CACHD1: variants seen among roughly 807,000 people sequenced by gnomAD.
CACHD1 encodes the protein cache domain containing 1, also known as VWFA and cache domain-containing protein 1.
Under a neutral mutation model 138.7 loss-of-function variants are expected in CACHD1, and 71 were observed. The ratio of observed to expected loss-of-function variants is 0.51; its 90% CI spans 0.42 to 0.62. CACHD1 has a LOEUF of 0.62. Among genes scored for constraint, CACHD1 ranks in the 20% least tolerant of loss-of-function variants. CACHD1 has a pLI of 0.00. For missense variants in CACHD1, 1,389 were observed against 1,625.3 expected (o/e 0.85, Z 2.50); for synonymous variants, 578 against 591.5 (o/e 0.98, Z 0.33).
intron 24 of CACHD1, 52 bp from the exon 25 acceptor site, chr1:64,681,206 G>A: frequency 7.2e-7 from 1 of 1,383,620 alleles, no homozygotes; most frequent in Non-Finnish European, 1.0e-6. Context: ...ATTAAAGCGG[G>A]TGATTTTGTT....
chr1:64,680,170 C>T (rs1650124561), intron 24 of CACHD1, among the ~76,000 whole-genome samples: 1 of 152,166 alleles, frequency 6.6e-6, no homozygotes, highest in South Asian at 2.1e-4. Context: ...AATAAACACA[C>T]ATTTGAATAA....
At position 64,671,598 on chromosome 1, in the gene CACHD1, A is replaced by T; in HGVS notation, c.2422A>T (p.Met808Leu). 6.2e-7 allele frequency: 1 copy of T among 1,614,002 alleles called. No homozygotes were observed. Among genetic ancestry groups the T allele is most frequent in the Non-Finnish European group, 8.5e-7 (1 of 1,179,930 alleles). The change falls in exon 17 of 27, where the codon ATG becomes TTG. Residue 808 changes from methionine (M) to leucine (L), a missense_variant. Physicochemically the swap from Met to Leu is conservative, Grantham distance 15. This residue lies in a region of CACHD1 where 1,000 missense variants were observed against 1,114.7 expected (regional missense o/e 0.90). Transcript: ENST00000651257. The part of the protein sequence containing the change: ...QLSSGHTVAV[M>L]GIDFTLRYFY... ...GTCTTCTGGGCACACTGTGGCTGTG[A>T]TGGGCATTGACTTCACACTCAGATA...
intron 3 of CACHD1, among the ~76,000 whole-genome samples, chr1:64,600,954 A>T (rs866562900): frequency 1.3e-5 from 2 of 152,224 alleles, no homozygotes; most frequent in South Asian, 4.1e-4. Flanking sequence ...TGTCTCTGTT[A>T]TGCTAGCCAC....
intron 1 of CACHD1, among the ~76,000 whole-genome samples, chr1:64,540,983 T>A (rs981700737): frequency 1.3e-5 from 2 of 152,116 alleles, no homozygotes; most frequent in African/African-American, 4.8e-5. Flanking sequence ...GCTGTGAGTG[T>A]GTGTGTGTGT....
intron 4 of CACHD1, among the ~76,000 whole-genome samples, chr1:64,614,214 G>T (rs1320981990): frequency 6.6e-6 from 1 of 152,098 alleles, no homozygotes; most frequent in Non-Finnish European, 1.5e-5. Flanking sequence ...CTCTTCTTTA[G>T]TCTAGACACC....
At chr1:64,484,764 A>T (rs1037744140) in intron 1 of CACHD1, among the ~76,000 whole-genome samples, 1 of 152,258 alleles carries the variant, frequency 6.6e-6, no homozygotes, top group East Asian at 1.9e-4. Flanking sequence ...TTCACTTGGC[A>T]TAATGTCTTC....
chr1:64,686,712 G>C (rs1037465344), intron 26 of CACHD1, among the ~76,000 whole-genome samples: 4 of 152,098 alleles, frequency 2.6e-5, no homozygotes, highest in African/African-American at 9.7e-5. Context: ...TTGTATTTTG[G>C]TTACTATCTC....
chr1:64,493,545 G>A (rs1428390202), intron 1 of CACHD1, among the ~76,000 whole-genome samples: 1 of 152,192 alleles, frequency 6.6e-6, no homozygotes, highest in Non-Finnish European at 1.5e-5. Context: ...TTACAACTTA[G>A]AGGAAGGAAT....
chr1:64,549,829 A>G (rs1289176544), intron 1 of CACHD1, among the ~76,000 whole-genome samples: 1 of 150,738 alleles, frequency 6.6e-6, no homozygotes, highest in Non-Finnish European at 1.5e-5. Flanking sequence ...TAGCAGATAC[A>G]TAACTTAGAT....
chr1:64,680,171 A>G (rs1395311113), intron 24 of CACHD1, among the ~76,000 whole-genome samples: 1 of 152,232 alleles, frequency 6.6e-6, no homozygotes, highest in African/African-American at 2.4e-5. Flanking sequence ...ATAAACACAC[A>G]TTTGAATAAT....
rs1473321996 is a variant in CACHD1 at position 64,597,532 on chromosome 1, T to G, written c.411-5274T>G. On this transcript the variant is annotated intron_variant, in intron 3 of 26. Coordinates refer to ENST00000651257, the MANE Select transcript of CACHD1 (RefSeq NM_020925.4). ...GAAGTTTTTTTTTTGTTGTTTTTTT[T>G]TTTTTTTTTTTTTTTTTTAACTTAC... is the stretch of plus-strand genomic sequence containing the variant. 3.5e-3 allele frequency among the ~76,000 whole-genome samples: 518 copies of G among 147,476 alleles called. 4 individuals carry two copies. Among genetic ancestry groups the G allele is most frequent in the African/African-American group, 0.012 (493 of 40,050 alleles).
chr1:64,519,386 G>A (rs1339965201), intron 1 of CACHD1, among the ~76,000 whole-genome samples: 1 of 152,158 alleles, frequency 6.6e-6, no homozygotes, highest in Non-Finnish European at 1.5e-5. Context: ...AAGGAGGTCT[G>A]ATTTCTGAAA....
chr1:64,635,174 T>A lies in CACHD1; in HGVS notation c.1006+914T>A, dbSNP rs1461268800. On this transcript the variant is annotated intron_variant, in intron 7 of 26. Coordinates refer to ENST00000651257, the MANE Select transcript of CACHD1 (RefSeq NM_020925.4). ...CCTGCCCCTTTATTTAGATCATGTC[T>A]GCACTTATGTCCCAAGGGAATCTCC... 2.6e-5 allele frequency among the ~76,000 whole-genome samples: 4 copies of A among 152,094 alleles called. No individual in the cohort carries two copies. The East Asian group carries it at 5.8e-4, about 22-fold the overall frequency.
intron 7 of CACHD1, 84 bp downstream of exon 7, chr1:64,634,344 T>C (rs537036332): frequency 2.8e-6 from 2 of 702,074 alleles, no homozygotes; most frequent in Non-Finnish European, 2.3e-6. Flanking sequence ...CACACAATGA[T>C]GTTTAGAGAG....
At chr1:64,507,165 G>A (rs1646383576) in intron 1 of CACHD1, among the ~76,000 whole-genome samples, 1 of 152,214 alleles carries the variant, frequency 6.6e-6, no homozygotes, top group African/African-American at 2.4e-5. Flanking sequence ...ATAGGACCAG[G>A]AGACTGACTT....
rs1422311412 is a variant in CACHD1, at chr1:64,671,798, T to G, written c.2510+112T>G. ...TTATGGTCAGGAATAGAAATCTAATTTATGGCCTGGGTGTCCTATTAAGAA... is the reference window on the plus strand; with the variant it reads ...TTATGGTCAGGAATAGAAATCTAATGTATGGCCTGGGTGTCCTATTAAGAA... On this transcript the variant is annotated intron_variant, in intron 17 of 26. Coordinates refer to ENST00000651257, the MANE Select transcript of CACHD1 (RefSeq NM_020925.4). 15 of 1,333,540 alleles carry G rather than the reference T, an allele frequency of 1.1e-5. No individual in the cohort carries two copies. The East Asian group carries it at 3.2e-4, about 29-fold the overall frequency. 82.6% of individuals were successfully genotyped at this position (1,333,540 alleles called of 1,614,324 possible).
chr1:64,659,246 A>AATT (rs1394428440), intron 13 of CACHD1, among the ~76,000 whole-genome samples: 1 of 152,154 alleles, frequency 6.6e-6, no homozygotes, highest in Non-Finnish European at 1.5e-5. Flanking sequence ...CCAGACTCTA[A>AATT]AGAGAGCTCA....
intron 7 of CACHD1, 128 bp downstream of exon 7, chr1:64,634,388 A>G: frequency 2.7e-6 from 1 of 370,276 alleles, no homozygotes; most frequent in African/African-American, 2.1e-5. Flanking sequence ...GTATTTATTT[A>G]TTTATTTATT....
At chr1:64,686,532 C>T (rs1409204764) in intron 26 of CACHD1, among the ~76,000 whole-genome samples, 5 of 152,164 alleles carry the variant, frequency 3.3e-5, no homozygotes, top group Non-Finnish European at 7.3e-5. Context: ...GATTGATTTT[C>T]AGCAGTGTTA....
Sources: allele counts gnomAD v4.1 joint callset (sites outside exome capture counted in the v4.1 genomes callset), GRCh38; gene constraint gnomAD v4.1.1; regional missense constraint gnomAD v4.1.1; transcripts MANE v1.5; gene names NCBI Gene and HGNC (gene_info 2026-07-23, HGNC 2026-07-21).